The following PDCD6IP variants were observed in gnomAD, a reference collection of about 807,000 sequenced individuals.
PDCD6IP encodes programmed cell death 6-interacting protein.
Under a neutral mutation model 103.7 loss-of-function variants are expected in PDCD6IP, and 43 were observed. That is an observed-to-expected ratio of 0.41 (90% CI 0.32 to 0.53). The LOEUF is 0.53. Ranked by LOEUF, PDCD6IP falls within the 20% of genes least tolerant of loss-of-function variation. PDCD6IP has a pLI of 0.16. For synonymous variants in PDCD6IP, 354 were observed against 378.7 expected, an observed-to-expected ratio of 0.93 and a Z score of 0.76; for missense variants, 871 against 1,036.7, an observed-to-expected ratio of 0.84 and a Z score of 2.20.
At chr3:33,808,958 C>T (rs1048885430) in intron 1 of PDCD6IP, among the ~76,000 whole-genome samples, 2 of 152,206 alleles carry the variant, frequency 1.3e-5, no homozygotes, top group African/African-American at 4.8e-5. Flanking sequence ...GGTATTGGCA[C>T]TTGATTTTCC....
At chr3:33,811,034 C>T (rs1379011145) in intron 1 of PDCD6IP, 6 of 401,416 alleles carry the variant, frequency 1.5e-5, no homozygotes, top group South Asian at 3.6e-5. Context: ...CACAGGTGTG[C>T]GCCACCATGC....
intron 1 of PDCD6IP, among the ~76,000 whole-genome samples, chr3:33,802,334 A>G (rs1334199468): frequency 6.6e-6 from 1 of 152,170 alleles, no homozygotes; most frequent in Non-Finnish European, 1.5e-5. Context: ...AATTTTCATT[A>G]TGAGCAGCTG....
chr3:33,836,944 G>A (rs1384338948), intron 8 of PDCD6IP, among the ~76,000 whole-genome samples: 4 of 149,616 alleles, frequency 2.7e-5, no homozygotes, highest in Non-Finnish European at 4.4e-5. Flanking sequence ...TTTTTGAGAC[G>A]GAGTATCGCT....
intron 7 of PDCD6IP, among the ~76,000 whole-genome samples, chr3:33,834,030 T>G (rs1299742588): frequency 1.3e-5 from 2 of 152,102 alleles, no homozygotes; most frequent in African/African-American, 4.8e-5. Context: ...ACTTTTAGGG[T>G]TTATATTTTG....
intron 15 of PDCD6IP, among the ~76,000 whole-genome samples, chr3:33,858,040 CAA>C (rs1697866895): frequency 6.6e-6 from 1 of 152,052 alleles, no homozygotes; most frequent in Admixed American, 6.6e-5. Flanking sequence ...CTTGAAAACC[CAA>C]GAGAACCCCA....
At chr3:33,817,163 T>G (rs1696871691) in intron 3 of PDCD6IP, among the ~76,000 whole-genome samples, 1 of 152,200 alleles carries the variant, frequency 6.6e-6, no homozygotes, top group Non-Finnish European at 1.5e-5. Context: ...AGTTGTTGCA[T>G]TGTACAACTC....
chr3:33,856,387 C>G (rs751125531), intron 15 of PDCD6IP, among the ~76,000 whole-genome samples: 1 of 151,948 alleles, frequency 6.6e-6, no homozygotes, highest in Non-Finnish European at 1.5e-5. Context: ...GGAAAGAGCA[C>G]AAAGGGCGAA....
intron 9 of PDCD6IP, among the ~76,000 whole-genome samples, chr3:33,838,686 T>A (rs1490914987): frequency 6.6e-6 from 1 of 151,918 alleles, no homozygotes; most frequent in Non-Finnish European, 1.5e-5. Context: ...GTTTAAAAAA[T>A]TTTTAGGTAT....
intron 1 of PDCD6IP, among the ~76,000 whole-genome samples, chr3:33,808,370 C>G (rs554012897): frequency 1.0e-3 from 154 of 152,300 alleles, no homozygotes; most frequent in African/African-American, 3.5e-3. Flanking sequence ...ACCTCCTGGG[C>G]TCAAGTGATC....
At chr3:33,817,886 A>G (rs544566496) in intron 3 of PDCD6IP, among the ~76,000 whole-genome samples, 1 of 152,208 alleles carries the variant, frequency 6.6e-6, no homozygotes, top group East Asian at 1.9e-4. Context: ...GTTTAAGTTT[A>G]GATGGATAGA....
intron 2 of PDCD6IP, 173 bp from the exon 3 acceptor site, chr3:33,813,385 CT>C (rs1559774206): frequency 4.1e-6 from 2 of 489,670 alleles, no homozygotes; most frequent in Non-Finnish European, 7.2e-6. Flanking sequence ...CAGTATTTTA[CT>C]TTTTTTAGAT....
intron 1 of PDCD6IP, among the ~76,000 whole-genome samples, chr3:33,806,693 TA>T (rs35682032): frequency 6.6e-6 from 1 of 152,212 alleles, no homozygotes; most frequent in South Asian, 2.1e-4. Context: ...AAAGTGTACT[TA>T]AATGTTAAAG....
In PDCD6IP at chr3:33,818,976, C is replaced by T. The variant is rs112402129; in HGVS notation, c.335-2979C>T. ...AGACTTAATGGGATTTCATTTTATT[C>T]GTGTGTAGGGCATTTCTTTTTGGCC... On this transcript the variant is annotated intron_variant, in intron 3 of 17. Transcript: ENST00000307296. Among the ~76,000 whole-genome samples, 133 of 152,134 alleles carry T rather than the reference C, an allele frequency of 8.7e-4. 1 individual carries two copies. Among genetic ancestry groups the T allele is most frequent in the African/African-American group, 2.5e-3 (105 of 41,508 alleles).
chr3:33,865,938 A>T (rs1393982195), intron 17 of PDCD6IP, among the ~76,000 whole-genome samples: 1 of 152,220 alleles, frequency 6.6e-6, no homozygotes, highest in Admixed American at 6.5e-5. Flanking sequence ...TTACTTAGTA[A>T]GTACATGTTG....
chr3:33,813,239 C>A, intron 2 of PDCD6IP: 1 of 182,530 alleles, frequency 5.5e-6, no homozygotes, highest in Non-Finnish European at 1.1e-5. Flanking sequence ...CTTTTATTTC[C>A]CTTGCTTCAC....
intron 1 of PDCD6IP, among the ~76,000 whole-genome samples, chr3:33,806,997 A>C (rs560249159): frequency 6.6e-6 from 1 of 152,032 alleles, no homozygotes; most frequent in African/African-American, 2.4e-5. Context: ...TTTTATTTCA[A>C]CTTCTATAAT....
Position 33,821,992 on chromosome 3 carries a change from G to A in PDCD6IP, c.372G>A (p.Leu124=). Residue 124 remains leucine (L), a synonymous_variant, in exon 4 of 18, where the codon TTG becomes TTA. Coordinates refer to ENST00000307296, the MANE Select transcript of PDCD6IP (RefSeq NM_013374.6). Reference sequence around the variant, plus strand: ...TAGGATATGAAAAGAGCTGTGTGTTGTTCAATTGTGCAGCCTTAGCTAGCC... The same window carrying A: ...TAGGATATGAAAAGAGCTGTGTGTTATTCAATTGTGCAGCCTTAGCTAGCC... ...ASLGYEKSCV[L]FNCAALASQI... The A allele has an allele frequency of 6.2e-7, 1 of 1,613,980 alleles. No homozygotes were observed. The highest frequency in any genetic ancestry group is 1.1e-5 in the South Asian group (1 of 91,074).
At chr3:33,839,921 C>G (rs1007328663) in intron 9 of PDCD6IP, among the ~76,000 whole-genome samples, 1 of 152,156 alleles carries the variant, frequency 6.6e-6, no homozygotes, top group East Asian at 1.9e-4. Flanking sequence ...CTATTGAAAT[C>G]TTTTTCTCAG....
Position 33,836,214 on chromosome 3 carries a change from C to T in PDCD6IP, c.1005C>T (p.Ala335=), listed in dbSNP as rs143303699. Residue 335 remains alanine, a synonymous_variant, in exon 8 of 18, where the codon GCC becomes GCT. Coordinates refer to ENST00000307296, the MANE Select transcript of PDCD6IP (RefSeq NM_013374.6). ...DLKDLDPIGK[A]TLVKSTPVNV... ...AAGATCTAGATCCTATTGGCAAAGC[C>T]ACACTTGTGAAATCTACCCCGGTCA... 215 of 1,613,554 alleles carry T rather than the reference C, an allele frequency of 1.3e-4. No homozygotes were observed. The African/African-American group carries it at 2.5e-3, about 19-fold the overall frequency.
Sources: allele counts gnomAD v4.1 joint callset (sites outside exome capture counted in the v4.1 genomes callset), GRCh38; gene constraint gnomAD v4.1.1; transcripts MANE v1.5; gene names NCBI Gene and HGNC (gene_info 2026-07-23, HGNC 2026-07-21).